The following CYYR1 variants were observed in gnomAD, a reference collection of about 807,000 sequenced individuals.
CYYR1 encodes cysteine and tyrosine-rich protein 1.
Under a neutral mutation model 15.2 loss-of-function variants are expected in CYYR1, and 14 were observed. The ratio of observed to expected loss-of-function variants is 0.92; its 90% CI spans 0.61 to 1.44. CYYR1 has a LOEUF of 1.44. CYYR1 is among the 40% of genes most tolerant of loss of function. The pLI, the probability that CYYR1 is intolerant of heterozygous loss-of-function variation, is 0.00. For missense variants in CYYR1, 228 were observed against 209.5 expected (o/e 1.09, Z -0.54); for synonymous variants, 80 against 77.4 (o/e 1.03, Z -0.18).
At chr21:26,503,222 T>C (rs1216886133) in intron 2 of CYYR1, among the ~76,000 whole-genome samples, 4 of 152,180 alleles carry the variant, frequency 2.6e-5, no homozygotes, top group Non-Finnish European at 5.9e-5. Context: ...AGTGAGATAA[T>C]TTGGAACCTG....
intron 2 of CYYR1, among the ~76,000 whole-genome samples, chr21:26,545,698 G>A (rs886729770): frequency 7.1e-6 from 1 of 140,748 alleles, no homozygotes; most frequent in Non-Finnish European, 1.5e-5. Context: ...GCCCACCTCA[G>A]CCTCCCCAGT....
chr21:26,483,329 CT>C (rs1734331018), intron 2 of CYYR1: 1 of 423,744 alleles, frequency 2.4e-6, no homozygotes, highest in Admixed American at 6.8e-5. Context: ...TGTCTGGGTT[CT>C]TTTTTATTGA....
At chr21:26,468,993 G>A (rs1056438597) in intron 3 of CYYR1, among the ~76,000 whole-genome samples, 12 of 152,104 alleles carry the variant, frequency 7.9e-5, no homozygotes, top group African/African-American at 2.9e-4. Flanking sequence ...TGAGGAGTGC[G>A]GTTATATCAC....
intron 2 of CYYR1, chr21:26,550,214 C>T (rs1601821018): frequency 6.6e-6 from 1 of 152,116 alleles, no homozygotes; most frequent in Non-Finnish European, 1.5e-5. Context: ...CTTTCGGCCA[C>T]CACAAACTGC....
chr21:26,492,517 TC>T (rs1389386776), intron 2 of CYYR1, among the ~76,000 whole-genome samples: 1 of 152,174 alleles, frequency 6.6e-6, no homozygotes, highest in Non-Finnish European at 1.5e-5. Context: ...AATTCTAGGT[TC>T]AAGTTTGCAC....
intron 2 of CYYR1, among the ~76,000 whole-genome samples, chr21:26,553,365 G>A (rs1316498237): frequency 1.3e-5 from 2 of 152,026 alleles, no homozygotes; most frequent in East Asian, 1.9e-4. Context: ...TCTTAGATCT[G>A]TAATTTATTT....
At chr21:26,537,930 C>G (rs534592562) in intron 2 of CYYR1, among the ~76,000 whole-genome samples, 1 of 152,266 alleles carries the variant, frequency 6.6e-6, no homozygotes, top group East Asian at 1.9e-4. Flanking sequence ...AGCAGATATG[C>G]CCATGCCTTG....
At chr21:26,563,375 C>A (rs529709510) in intron 2 of CYYR1, among the ~76,000 whole-genome samples, 2 of 151,958 alleles carry the variant, frequency 1.3e-5, no homozygotes, top group Non-Finnish European at 2.9e-5. Context: ...AGTCCAACAC[C>A]AGCCTGGACA....
At chr21:26,545,668 C>T (rs1407409347) in intron 2 of CYYR1, among the ~76,000 whole-genome samples, 1 of 139,734 alleles carries the variant, frequency 7.2e-6, no homozygotes, top group East Asian at 2.4e-4. Context: ...CCCGGGTTCA[C>T]GCCAGTCTCC....
intron 3 of CYYR1, among the ~76,000 whole-genome samples, chr21:26,472,354 A>T (rs1357820829): frequency 1.3e-5 from 2 of 152,068 alleles, no homozygotes; most frequent in African/African-American, 2.4e-5. Context: ...TTTTAGAATA[A>T]AATTCCAGGA....
intron 2 of CYYR1, among the ~76,000 whole-genome samples, chr21:26,557,223 C>G (rs1186471344): frequency 2.6e-5 from 4 of 152,092 alleles, no homozygotes; most frequent in Non-Finnish European, 5.9e-5. Flanking sequence ...CTCTTTCTTC[C>G]AACAATTCCT....
intron 2 of CYYR1, among the ~76,000 whole-genome samples, chr21:26,496,616 C>A (rs2065408159): frequency 6.6e-6 from 1 of 152,050 alleles, no homozygotes; most frequent in Non-Finnish European, 1.5e-5. Context: ...AGACACTGAA[C>A]AATTGCTGGC....
chr21:26,509,846 C>G (rs944541921), intron 2 of CYYR1, among the ~76,000 whole-genome samples: 10 of 152,176 alleles, frequency 6.6e-5, no homozygotes, highest in Non-Finnish European at 1.3e-4. Context: ...TCTCACCCAA[C>G]TGGGGGTTAA....
At chr21:26,565,227 T>C (rs1286223914) in intron 2 of CYYR1, among the ~76,000 whole-genome samples, 1 of 152,102 alleles carries the variant, frequency 6.6e-6, no homozygotes, top group Non-Finnish European at 1.5e-5. Context: ...TTCCAGAAAG[T>C]TTATGTGGTG....
At chr21:26,481,556 A>C (rs2065180153) in intron 2 of CYYR1, among the ~76,000 whole-genome samples, 1 of 152,020 alleles carries the variant, frequency 6.6e-6, no homozygotes, top group African/African-American at 2.4e-5. Flanking sequence ...AAAAGACATG[A>C]TCTTGTTCTT....
intron 2 of CYYR1, among the ~76,000 whole-genome samples, chr21:26,509,254 G>A (rs983444859): frequency 6.6e-6 from 1 of 152,070 alleles, no homozygotes; most frequent in Non-Finnish European, 1.5e-5. Context: ...TCAAATGCTC[G>A]ACAATTCCCT....
chr21:26,513,629 C>A (rs1475001137), intron 2 of CYYR1, among the ~76,000 whole-genome samples: 2 of 152,094 alleles, frequency 1.3e-5, no homozygotes, highest in Admixed American at 6.5e-5. Context: ...GTAGCAAAAA[C>A]CTATTGACCA....
At chr21:26,570,170 T>C (rs924084318) in intron 1 of CYYR1, among the ~76,000 whole-genome samples, 1 of 152,204 alleles carries the variant, frequency 6.6e-6, no homozygotes, top group Non-Finnish European at 1.5e-5. Context: ...GAACAGATCA[T>C]TCCAATTTGT....
At chr21:26,519,842 G>A (rs1342401537) in intron 2 of CYYR1, among the ~76,000 whole-genome samples, 2 of 152,010 alleles carry the variant, frequency 1.3e-5, no homozygotes, top group Non-Finnish European at 2.9e-5. Context: ...CAAGGATCTA[G>A]AACCAAGGAT....
Sources: gnomAD v4.1 joint callset for allele counts (sites outside exome capture counted in the v4.1 genomes callset) on GRCh38, gnomAD v4.1.1 for gene constraint, MANE v1.5 for transcripts, NCBI Gene and HGNC (gene_info 2026-07-23, HGNC 2026-07-21) for gene names.